NTN1: variants seen among roughly 807,000 people sequenced by gnomAD.
NTN1 encodes the protein netrin 1.
NTN1 carries 11 observed loss-of-function variants against 54.2 expected under a neutral mutation model. The ratio of observed to expected loss-of-function variants is 0.20; its 90% CI spans 0.13 to 0.34. The LOEUF is 0.34. Ranked by LOEUF, NTN1 falls within the 10% of genes least tolerant of loss-of-function variation. NTN1 has a pLI of 1.00. For missense variants in NTN1, 740 were observed against 893.1 expected, an observed-to-expected ratio of 0.83 and a Z score of 2.18; for synonymous variants, 371 against 382.0, an observed-to-expected ratio of 0.97 and a Z score of 0.33.
At chr17:9,100,379 G>T (rs1343670859) in intron 2 of NTN1, among the ~76,000 whole-genome samples, 1 of 152,066 alleles carries the variant, frequency 6.6e-6, no homozygotes, top group Non-Finnish European at 1.5e-5. Flanking sequence ...CTCACTCCAA[G>T]CTCCACCTCC....
At chr17:9,235,997 C>G (rs1335816830) in intron 6 of NTN1, among the ~76,000 whole-genome samples, 1 of 152,224 alleles carries the variant, frequency 6.6e-6, no homozygotes, top group East Asian at 1.9e-4. Context: ...GCCACCATGC[C>G]CGGTCAGCCT....
At chr17:9,195,453 G>A (rs1904605843) in intron 5 of NTN1, among the ~76,000 whole-genome samples, 1 of 152,210 alleles carries the variant, frequency 6.6e-6, no homozygotes, top group African/African-American at 2.4e-5. Flanking sequence ...CAAGTGACAG[G>A]TGTCAGGGAG....
At chr17:9,170,304 A>G (rs1308806850) in intron 3 of NTN1, among the ~76,000 whole-genome samples, 1 of 152,246 alleles carries the variant, frequency 6.6e-6, no homozygotes, top group African/African-American at 2.4e-5. Context: ...CATGTATGGC[A>G]GCTATTATGA....
chr17:9,177,382 A>G (rs1464045534), intron 3 of NTN1: 1 of 152,242 alleles, frequency 6.6e-6, no homozygotes, highest in East Asian at 1.9e-4. Flanking sequence ...GGCCGCTGCC[A>G]AGATAAAGAC....
chr17:9,092,904 G>A lies in NTN1; in HGVS notation c.1018+69513G>A, dbSNP rs1458927497. 5.9e-5 allele frequency among the ~76,000 whole-genome samples: 9 copies of A among 152,260 alleles called. No individual in the cohort carries two copies. The South Asian group carries it at 8.3e-4, about 14-fold the overall frequency. On this transcript the variant is annotated intron_variant, in intron 2 of 6. Transcript: ENST00000173229. ...CTCCTGAGTAGCTGGGACTACGGGT[G>A]CCCACCACCACGCCCGGCTAATTTT... is the stretch of plus-strand genomic sequence containing the variant.
At position 9,135,817 on chromosome 17, in the gene NTN1, C is replaced by A. The variant is rs1473456050; in HGVS notation, c.1019-26996C>A. Reference sequence around the variant, plus strand: ...GGCATTGGAAGGGGCATTTAGGAGACCAGGGTTCTAGCCCTGAGTCCACCA... The same window carrying A: ...GGCATTGGAAGGGGCATTTAGGAGAACAGGGTTCTAGCCCTGAGTCCACCA... On this transcript the variant is annotated intron_variant, in intron 2 of 6. Coordinates refer to ENST00000173229, the MANE Select transcript of NTN1 (RefSeq NM_004822.3). The surrounding 1 kb of genome is among the most constrained non-coding windows in gnomAD (Gnocchi z 4.4). Among the ~76,000 whole-genome samples, 6 of 152,178 alleles carry A rather than the reference C, an allele frequency of 3.9e-5. No homozygotes were observed. The highest frequency in any genetic ancestry group is 1.4e-4 in the African/African-American group (6 of 41,436).
rs1052523493 is a variant in NTN1, at chr17:9,165,686, G to A, written c.1207+2685G>A. Among the ~76,000 whole-genome samples, 20 of 152,220 alleles carry A rather than the reference G, an allele frequency of 1.3e-4. No individual in the cohort carries two copies. Among genetic ancestry groups the A allele is most frequent in the African/African-American group, 4.3e-4 (18 of 41,462 alleles). On this transcript the variant is annotated intron_variant, in intron 3 of 6. Coordinates refer to ENST00000173229, the MANE Select transcript of NTN1 (RefSeq NM_004822.3). The surrounding 1 kb of genome is among the most constrained non-coding windows in gnomAD (Gnocchi z 4.5). ...GCCTGTTGACTGGGGAGGAATGACAGTGTTTCAAGGAAACTGCCATCAGAT... is the reference window on the plus strand; with the variant it reads ...GCCTGTTGACTGGGGAGGAATGACAATGTTTCAAGGAAACTGCCATCAGAT...
chr17:9,171,883 CTTTTTT>C (rs11429901), intron 3 of NTN1: 6 of 101,596 alleles, frequency 5.9e-5, no homozygotes, highest in African/African-American at 8.3e-5. Context: ...ATCAGGCTCA[CTTTTTT>C]TTTTTTTTTT....
intron 2 of NTN1, among the ~76,000 whole-genome samples, chr17:9,118,029 C>T (rs1447841673): frequency 1.3e-5 from 2 of 152,174 alleles, no homozygotes; most frequent in African/African-American, 4.8e-5. Flanking sequence ...CACGTGGCCT[C>T]AAATCCAGGC....
chr17:9,119,694 C>T (rs1387698657), intron 2 of NTN1, among the ~76,000 whole-genome samples: 1 of 152,054 alleles, frequency 6.6e-6, no homozygotes, highest in Non-Finnish European at 1.5e-5. Flanking sequence ...GAGACAGTCT[C>T]ACTATATTGC....
intron 2 of NTN1, among the ~76,000 whole-genome samples, chr17:9,133,483 C>T (rs922219302): frequency 3.9e-5 from 6 of 152,162 alleles, no homozygotes; most frequent in Admixed American, 6.5e-5. Flanking sequence ...ACACCTGTAA[C>T]GACCATGCAG....
At chr17:9,069,067 C>T (rs1325836475) in intron 2 of NTN1, among the ~76,000 whole-genome samples, 1 of 152,122 alleles carries the variant, frequency 6.6e-6, no homozygotes, top group African/African-American at 2.4e-5. Flanking sequence ...ATTTTCCTAT[C>T]CTTGCAAATA....
chr17:9,102,574 T>G (rs1487848418), intron 2 of NTN1, among the ~76,000 whole-genome samples: 2 of 152,206 alleles, frequency 1.3e-5, no homozygotes, highest in African/African-American at 4.8e-5. Context: ...CGGCATCTAC[T>G]AAAGCTGACA....
intron 3 of NTN1, among the ~76,000 whole-genome samples, chr17:9,167,449 C>T (rs749027925): frequency 2.0e-5 from 3 of 152,162 alleles, no homozygotes; most frequent in Non-Finnish European, 4.4e-5. Context: ...CTCCCGTGAA[C>T]CGAATTGTGA....
intron 2 of NTN1, among the ~76,000 whole-genome samples, chr17:9,144,699 C>T (rs1417662232): frequency 2.0e-5 from 3 of 152,268 alleles, no homozygotes; most frequent in Non-Finnish European, 4.4e-5. Context: ...AAGGCTGGAA[C>T]AGGCCCCCTC....
chr17:9,201,940 C>T (rs980771726), intron 5 of NTN1, among the ~76,000 whole-genome samples: 9 of 149,932 alleles, frequency 6.0e-5, no homozygotes, highest in Non-Finnish European at 1.0e-4. Flanking sequence ...GTAATCCTAG[C>T]ACTTTGGGAG....
At chr17:9,048,927 A>G (rs543420422) in intron 2 of NTN1, among the ~76,000 whole-genome samples, 1 of 152,340 alleles carries the variant, frequency 6.6e-6, no homozygotes, top group Non-Finnish European at 1.5e-5. Flanking sequence ...AAGTGTTGGG[A>G]TTACAGGCAT....
At chr17:9,195,530 A>C (rs1364631034) in intron 5 of NTN1, among the ~76,000 whole-genome samples, 1 of 152,154 alleles carries the variant, frequency 6.6e-6, no homozygotes. Context: ...TTGCTGGCAG[A>C]GGCTGGCAGG....
At position 9,243,848 on chromosome 17, in the gene NTN1, C is replaced by T. The variant is rs183417766; in HGVS notation, c.*3880C>T. On this transcript the variant is annotated 3_prime_UTR_variant, in exon 7 of 7. Transcript: ENST00000173229. ...TATTATATATGAATATATTTAATGA[C>T]ATGGAAAAAGTTGTGGATTTTCTTT... is the stretch of plus-strand genomic sequence containing the variant. 7.5e-6 allele frequency: 1 copy of T among 132,602 alleles called. No homozygotes were observed. Among genetic ancestry groups the T allele is most frequent in the African/African-American group, 2.9e-5 (1 of 34,040 alleles). The allele number at this position is 132,602 out of a possible 1,614,324, so 8.2% of individuals were successfully genotyped here. A position where few individuals can be genotyped will look rare whatever the true frequency, so the allele number is the denominator to read the frequency against.
Sources: gnomAD v4.1 joint callset for allele counts (sites outside exome capture counted in the v4.1 genomes callset) on GRCh38, gnomAD v4.1.1 for gene constraint, Gnocchi (gnomAD v3.1) non-coding constraint, MANE v1.5 for transcripts, NCBI Gene and HGNC (gene_info 2026-07-23, HGNC 2026-07-21) for gene names.